The following ADARB2 variants were observed in gnomAD, a reference collection of about 807,000 sequenced individuals.
ADARB2 encodes the protein inactive double-stranded RNA-specific editase B2.
In ADARB2, 25 loss-of-function variants were observed where a neutral mutation model predicts 62.2. The observed-to-expected ratio is 0.40, with a 90% confidence interval of 0.29 to 0.56. The LOEUF (loss-of-function observed/expected upper bound fraction) is 0.56, where lower values mean the gene tolerates loss of function less well. Among genes scored for constraint, ADARB2 ranks in the 20% least tolerant of loss-of-function variants. The pLI is 0.43. For synonymous variants in ADARB2, 572 were observed against 500.8 expected, an observed-to-expected ratio of 1.14 and a Z score of -1.90; for missense variants, 1,071 against 1,077.4, an observed-to-expected ratio of 0.99 and a Z score of 0.08.
intron 6 of ADARB2, among the ~76,000 whole-genome samples, chr10:1,232,520 G>GC (rs1830816663): frequency 2.0e-5 from 3 of 151,834 alleles, no homozygotes; most frequent in South Asian, 2.1e-4. Context: ...TATGTGCTGT[G>GC]TGTGATGTGT....
chr10:1,512,734 A>G (rs891916530), intron 1 of ADARB2, among the ~76,000 whole-genome samples: 3 of 152,212 alleles, frequency 2.0e-5, no homozygotes. Context: ...GTGTGTGGAC[A>G]TTGGAAGAGT....
chr10:1,219,929 G>A (rs1453203275), intron 6 of ADARB2, among the ~76,000 whole-genome samples: 1 of 146,308 alleles, frequency 6.8e-6, no homozygotes, highest in African/African-American at 2.5e-5. Flanking sequence ...TGATGGTGAT[G>A]GTGATGATGG....
intron 3 of ADARB2, among the ~76,000 whole-genome samples, chr10:1,297,352 G>T (rs1589183141): frequency 6.6e-6 from 1 of 152,156 alleles, no homozygotes; most frequent in African/African-American, 2.4e-5. Context: ...CTCAAAGCTT[G>T]CCAGAGCCAA....
chr10:1,293,225 A>AC (rs1831490814), intron 3 of ADARB2, among the ~76,000 whole-genome samples: 1 of 83,904 alleles, frequency 1.2e-5, no homozygotes, highest in Non-Finnish European at 2.5e-5. Context: ...GGAGAGAGGG[A>AC]CGGGGAGGGA....
chr10:1,478,231 T>TA (rs996774715), intron 1 of ADARB2, among the ~76,000 whole-genome samples: 2 of 152,166 alleles, frequency 1.3e-5, no homozygotes, highest in Admixed American at 1.3e-4. Context: ...CATGTCTCAG[T>TA]AAAACTCTGA....
At chr10:1,482,624 T>G (rs1437461671) in intron 1 of ADARB2, among the ~76,000 whole-genome samples, 1 of 152,192 alleles carries the variant, frequency 6.6e-6, no homozygotes, top group Non-Finnish European at 1.5e-5. Flanking sequence ...AGAAGGTGCT[T>G]AACATGATGG....
At position 1,234,413 on chromosome 10, in the gene ADARB2, C is replaced by T. The variant is rs193049412; in HGVS notation, c.1362-568G>A. Among the ~76,000 whole-genome samples the T allele has an allele frequency of 2.0e-3, 309 of 152,266 alleles. 1 individual carries two copies. The highest frequency in any genetic ancestry group is 2.6e-3 in the Non-Finnish European group (177 of 68,016). ...GGCAGAAACCCTGCTTTCTTACCCC[C>T]GCCTTGACATTTACCTGTCAGGGTT... On this transcript the variant is annotated intron_variant, in intron 5 of 9. Transcript: ENST00000381312.
chr10:1,658,653 C>G (rs1054508446), intron 1 of ADARB2, among the ~76,000 whole-genome samples: 1 of 152,258 alleles, frequency 6.6e-6, no homozygotes. Context: ...GTCACGACAG[C>G]CCTTGCTGGT....
chr10:1,580,605 C>T (rs1302196484), intron 1 of ADARB2, among the ~76,000 whole-genome samples: 2 of 151,840 alleles, frequency 1.3e-5, no homozygotes, highest in African/African-American at 4.8e-5. Flanking sequence ...AAATGCACAA[C>T]CACCCCGTTA....
intron 1 of ADARB2, among the ~76,000 whole-genome samples, chr10:1,659,778 G>A (rs918522560): frequency 2.6e-5 from 4 of 151,092 alleles, no homozygotes; most frequent in African/African-American, 9.7e-5. Context: ...GTGAGACTCC[G>A]GGGCAGGGGC....
intron 1 of ADARB2, among the ~76,000 whole-genome samples, chr10:1,436,001 T>C (rs1388336818): frequency 6.6e-6 from 1 of 152,190 alleles, no homozygotes; most frequent in Admixed American, 6.5e-5. Context: ...GTTAGCTGAG[T>C]TGAATGAAAT....
chr10:1,448,921 C>G lies in ADARB2; in HGVS notation c.101-69761G>C, dbSNP rs113589863. ...TGACTGACATCTCAGGGGTCCCCAGCTCATCTTGTAAGCATGACCACCCTG... is the reference window on the plus strand; with the variant it reads ...TGACTGACATCTCAGGGGTCCCCAGGTCATCTTGTAAGCATGACCACCCTG... On this transcript the variant is annotated intron_variant, in intron 1 of 9. Transcript: ENST00000381312. Among the ~76,000 whole-genome samples the G allele has an allele frequency of 2.2e-3, 335 of 152,268 alleles. 2 individuals carry two copies. The highest frequency in any genetic ancestry group is 7.3e-3 in the African/African-American group (303 of 41,542).
At chr10:1,712,430 CT>C (rs897446630) in intron 1 of ADARB2, among the ~76,000 whole-genome samples, 85 of 150,910 alleles carry the variant, frequency 5.6e-4, no homozygotes, top group Non-Finnish European at 7.4e-4. Context: ...GAATATACTG[CT>C]TTTTTTTTTC....
At chr10:1,562,013 G>A (rs917342541) in intron 1 of ADARB2, among the ~76,000 whole-genome samples, 10 of 152,144 alleles carry the variant, frequency 6.6e-5, no homozygotes, top group South Asian at 2.1e-4. Flanking sequence ...CCCAGCTTCC[G>A]AGCTCATCGC....
chr10:1,732,311 C>T (rs1461572051), intron 1 of ADARB2, among the ~76,000 whole-genome samples: 1 of 42,176 alleles, frequency 2.4e-5, no homozygotes, highest in African/African-American at 8.3e-5. Flanking sequence ...TCTTTTCATG[C>T]CTCAAAAAAA....
At chr10:1,187,806 G>C (rs560468064) in intron 8 of ADARB2, 12 of 411,880 alleles carry the variant, frequency 2.9e-5, no homozygotes, top group Admixed American at 2.5e-4. Context: ...CTGGCGGGTG[G>C]GCTGCGGGGT....
chr10:1,677,068 G>A (rs1564365349), intron 1 of ADARB2, among the ~76,000 whole-genome samples: 1 of 152,254 alleles, frequency 6.6e-6, no homozygotes, highest in Admixed American at 6.5e-5. Context: ...CAGCACTAAG[G>A]AGCAAGGCTC....
intron 1 of ADARB2, among the ~76,000 whole-genome samples, chr10:1,450,743 T>C (rs1367361314): frequency 1.3e-5 from 2 of 152,232 alleles, no homozygotes; most frequent in African/African-American, 2.4e-5. Flanking sequence ...CAGAAGCCCC[T>C]GCTTGCATGG....
intron 1 of ADARB2, among the ~76,000 whole-genome samples, chr10:1,436,340 T>C (rs1056557710): frequency 6.6e-6 from 1 of 152,250 alleles, no homozygotes; most frequent in Non-Finnish European, 1.5e-5. Context: ...CCTAGGTCTC[T>C]TTTTGTTTTA....
Sources: gnomAD v4.1 joint callset for allele counts (sites outside exome capture counted in the v4.1 genomes callset) on GRCh38, gnomAD v4.1.1 for gene constraint, MANE v1.5 for transcripts, NCBI Gene and HGNC (gene_info 2026-07-23, HGNC 2026-07-21) for gene names.